Variants in ALOXE3 observed in about 807,000 individuals in gnomAD.
ALOXE3 encodes hydroperoxide isomerase ALOXE3.
ALOXE3 carries 78 observed loss-of-function variants against 87.5 expected under a neutral mutation model. That is an observed-to-expected ratio of 0.89 (90% CI 0.74 to 1.08). The LOEUF (loss-of-function observed/expected upper bound fraction) is 1.08. ALOXE3 is among the 50% of genes least tolerant of loss of function. ALOXE3 has a pLI of 0.00. For missense variants in ALOXE3, 946 were observed against 912.4 expected (o/e 1.04, Z -0.47); for synonymous variants, 363 against 370.8 (o/e 0.98, Z 0.24).
At position 8,114,590 on chromosome 17, in the gene ALOXE3, G is replaced by A. The variant is rs562175424; in HGVS notation, c.574C>T (p.Pro192Ser). The A allele has an allele frequency of 1.7e-4, 267 of 1,614,024 alleles. 3 individuals carry two copies. The South Asian group carries it at 2.7e-3, about 16-fold the overall frequency. Residue 192 changes from proline (P) to serine (S), a missense_variant, in exon 6 of 16, where the codon CCC (proline) becomes TCC (serine). Pro to Ser is a moderately conservative substitution (Grantham distance 74, BLOSUM62 -1). Coordinates refer to ENST00000448843, the MANE Select transcript of ALOXE3 (RefSeq NM_021628.3). ...QGDSSGNRYL[P>S]GFPMKIDIPS... Reference sequence around the variant, plus strand: ...ATGTCAATTTTCATGGGGAAGCCGGGCAGGTACCGATTCCCACTGCTGGGG... The same window carrying A: ...ATGTCAATTTTCATGGGGAAGCCGGACAGGTACCGATTCCCACTGCTGGGG...
intron 13 of ALOXE3, among the ~76,000 whole-genome samples, chr17:8,105,835 A>T (rs1465054710): frequency 1.4e-5 from 2 of 143,882 alleles, no homozygotes; most frequent in Non-Finnish European, 3.0e-5. Context: ...GGATCACTTG[A>T]GCCTGGGAGG....
intron 11 of ALOXE3, 31 bp from the exon 12 acceptor site, chr17:8,109,374 C>G (rs1418460546): frequency 1.2e-6 from 2 of 1,608,562 alleles, no homozygotes; most frequent in Admixed American, 1.7e-5. Context: ...GGCTCCCGGG[C>G]CGGCCCAATC....
At chr17:8,105,743 A>C (rs568793451) in intron 13 of ALOXE3, among the ~76,000 whole-genome samples, 1 of 151,840 alleles carries the variant, frequency 6.6e-6, no homozygotes. Flanking sequence ...TCTCTAAAAA[A>C]CATTTTTTAA....
chr17:8,110,608 C>G, intron 8 of ALOXE3, 80 bp from the exon 9 acceptor site: 2 of 1,594,844 alleles, frequency 1.3e-6, no homozygotes, highest in Non-Finnish European at 1.7e-6. Context: ...CACTTCCACC[C>G]CAGAGAGGAG....
chr17:8,098,574 G>A (rs1978720005), intron 15 of ALOXE3, among the ~76,000 whole-genome samples: 2 of 151,998 alleles, frequency 1.3e-5, no homozygotes, highest in Non-Finnish European at 2.9e-5. Flanking sequence ...CCTTAAGGGG[G>A]TTTCATTTTA....
chr17:8,104,231 A>G lies in ALOXE3; in HGVS notation c.1685-16T>C, dbSNP rs1291005557. 3.7e-6 allele frequency: 6 copies of G among 1,602,906 alleles called. No homozygotes were observed. In the Admixed American group the frequency reaches 8.3e-5, roughly 22 times the overall value. Reference sequence around the variant, plus strand: ...CTTGGGAAACCTGGGTGTGGGGAGGAAGGGTAGAGGGTGTGGATGGAAGGT... The same window carrying G: ...CTTGGGAAACCTGGGTGTGGGGAGGGAGGGTAGAGGGTGTGGATGGAAGGT... On this transcript the variant is annotated splice_polypyrimidine_tract_variant and intron_variant, in intron 13 of 15. Transcript: ENST00000448843.
intron 7 of ALOXE3, among the ~76,000 whole-genome samples, chr17:8,111,783 T>C (rs1360574359): frequency 6.6e-6 from 1 of 151,998 alleles, no homozygotes; most frequent in Non-Finnish European, 1.5e-5. Context: ...CACTTGGTGG[T>C]TGGAGTAGGG....
chr17:8,110,627 C>A, intron 8 of ALOXE3, 99 bp from the exon 9 acceptor site: 1 of 1,535,074 alleles, frequency 6.5e-7, no homozygotes, highest in South Asian at 1.2e-5. Flanking sequence ...AGCTGAGGCC[C>A]CCAGCTGAGG....
Position 8,110,667 on chromosome 17 carries a change from G to A in ALOXE3, c.958-139C>T. On this transcript the variant is annotated intron_variant, in intron 8 of 15. Coordinates refer to ENST00000448843, the MANE Select transcript of ALOXE3 (RefSeq NM_021628.3). ...AGAAATTCTTGGTGCCTGAATTAAT[G>A]GCCAAAGTGGGGTACCCCGCCCTTC... 6.5e-6 allele frequency: 8 copies of A among 1,237,670 alleles called. No individual in the cohort carries two copies. In the South Asian group the frequency reaches 1.1e-4, roughly 18 times the overall value. 76.7% of individuals were successfully genotyped at this position (1,237,670 alleles called of 1,614,324 possible).
Position 8,103,114 on chromosome 17 carries a change from A to T in ALOXE3, c.1956+209T>A, listed in dbSNP as rs557662910. ...GATGAATGAACATTCGGATAAATGG[A>T]TGGACGGACAGATTGGTAACTAAAC... On this transcript the variant is annotated intron_variant, in intron 15 of 15. Coordinates refer to ENST00000448843, the MANE Select transcript of ALOXE3 (RefSeq NM_021628.3). Among the ~76,000 whole-genome samples, 126 of 152,318 alleles carry T rather than the reference A, an allele frequency of 8.3e-4. 1 individual carries two copies. Among genetic ancestry groups the T allele is most frequent in the African/African-American group, 2.9e-3 (121 of 41,570 alleles).
At chr17:8,108,313 A>T (rs1027747193) in intron 13 of ALOXE3, among the ~76,000 whole-genome samples, 155 bp downstream of exon 13, 1 of 152,232 alleles carries the variant, frequency 6.6e-6, no homozygotes, top group African/African-American at 2.4e-5. Flanking sequence ...CGCCTTGCAC[A>T]GCCTTCTTTG....
At chr17:8,117,265 A>C (rs1980684200) in intron 2 of ALOXE3, among the ~76,000 whole-genome samples, 1 of 152,188 alleles carries the variant, frequency 6.6e-6, no homozygotes, top group South Asian at 2.1e-4. Flanking sequence ...CTAAAAATAC[A>C]AAAAATTAGT....
intron 8 of ALOXE3, among the ~76,000 whole-genome samples, chr17:8,110,870 T>G (rs1391722002): frequency 6.6e-6 from 1 of 152,184 alleles, no homozygotes; most frequent in Non-Finnish European, 1.5e-5. Context: ...AATGAACACA[T>G]GAGAACTGAC....
In ALOXE3 at chr17:8,118,144, G is replaced by A. The variant is rs765563041; in HGVS notation, c.-154C>T. On this transcript the variant is annotated 5_prime_UTR_variant, in exon 2 of 16. Coordinates refer to ENST00000448843, the MANE Select transcript of ALOXE3 (RefSeq NM_021628.3). ...GCTGAGGATGGGCCCAGCTCTCTCT[G>A]GGATGTTCCTGGGCTTTCTCTCTCC... 1 of 1,551,482 alleles carries A rather than the reference G, an allele frequency of 6.4e-7. No homozygotes were observed.
In ALOXE3 at chr17:8,096,789, G is replaced by T. The variant is rs138224637; in HGVS notation, c.1974C>A (p.Tyr658Ter). The change falls in exon 16 of 16, where the codon TAC becomes TAA. Residue 658 changes from tyrosine to a stop codon, truncating the protein, a stop_gained. Coordinates refer to ENST00000448843, the MANE Select transcript of ALOXE3 (RefSeq NM_021628.3). LOFTEE classifies it high-confidence loss of function. ...CCTCCTCTGTGAAGTGCTCATCTGG[G>T]TAGGTGCCCAGGGGCCTCTGGGAGG... ...EPKDQRPLGTYPDEHFTEEAP... is the reference protein window; with the variant it reads ...EPKDQRPLGT 8.4e-5 allele frequency: 136 copies of T among 1,614,072 alleles called. No individual in the cohort carries two copies. Among genetic ancestry groups the T allele is most frequent in the Non-Finnish European group, 1.1e-4 (134 of 1,180,046 alleles).
chr17:8,117,838 AC>A lies in ALOXE3; in HGVS notation c.147+5del, dbSNP rs748142444. On this transcript the variant is annotated splice_donor_5th_base_variant and intron_variant, in intron 2 of 15. Transcript: ENST00000448843. ...GGTCGCGCTTCCCTGTCTCCTTTGT[AC>A]TCACCGATCCAGGGGCGAAGTCCCT... is the stretch of plus-strand genomic sequence containing the variant. 2.5e-6 allele frequency: 4 copies of A among 1,609,462 alleles called. No individual in the cohort carries two copies. The highest frequency in any genetic ancestry group is 3.4e-6 in the Non-Finnish European group (4 of 1,179,024).
At position 8,097,565 on chromosome 17, in the gene ALOXE3, A is replaced by G. The variant is rs534809607; in HGVS notation, c.1957-759T>C. ...ACTGCCACACTTTACAGCACAGCCA[A>G]TCACTATCGAGAAATATCACAATGA... On this transcript the variant is annotated intron_variant, in intron 15 of 15. Coordinates refer to ENST00000448843, the MANE Select transcript of ALOXE3 (RefSeq NM_021628.3). Among the ~76,000 whole-genome samples, 8 of 152,212 alleles carry G rather than the reference A, an allele frequency of 5.3e-5. No homozygotes were observed. In the East Asian group the frequency reaches 1.5e-3, roughly 29 times the overall value.
At chr17:8,101,716 A>AT (rs1266202817) in intron 15 of ALOXE3, among the ~76,000 whole-genome samples, 2 of 151,730 alleles carry the variant, frequency 1.3e-5, no homozygotes, top group East Asian at 1.9e-4. Flanking sequence ...GGCTCACTGC[A>AT]TTTTTTTACT....
intron 11 of ALOXE3, 56 bp downstream of exon 11, chr17:8,109,860 A>AG: frequency 6.7e-7 from 1 of 1,499,204 alleles, no homozygotes; most frequent in South Asian, 1.2e-5. Context: ...GGGGGCGGGT[A>AG]GCGGGGCAAA....
Sources: allele counts gnomAD v4.1 joint callset (sites outside exome capture counted in the v4.1 genomes callset), GRCh38; gene constraint gnomAD v4.1.1; transcripts MANE v1.5; gene names NCBI Gene and HGNC (gene_info 2026-07-23, HGNC 2026-07-21).